RAB38: variants seen among roughly 807,000 people sequenced by gnomAD.
RAB38 encodes the protein RAB38, member RAS oncogene family, also known as ras-related protein Rab-38.
Under a neutral mutation model 18.4 loss-of-function variants are expected in RAB38, and 15 were observed. The ratio of observed to expected loss-of-function variants is 0.82; its 90% CI spans 0.55 to 1.26. The LOEUF is 1.26. Among genes scored for constraint, RAB38 ranks in the 50% most tolerant of loss-of-function variants. RAB38 has a pLI of 0.00. For missense variants in RAB38, 294 were observed against 267.4 expected, an observed-to-expected ratio of 1.10 and a Z score of -0.69; for synonymous variants, 101 against 104.4, an observed-to-expected ratio of 0.97 and a Z score of 0.20.
the RAB38 span, among the ~76,000 whole-genome samples, chr11:88,075,115 C>A: frequency 6.6e-6 from 1 of 152,190 alleles, no homozygotes; most frequent in African/African-American, 2.4e-5. Context: ...GACTTCAACA[C>A]CATTCTCAGC....
chr11:88,126,516 C>G (rs1440244256), intron 2 of RAB38, among the ~76,000 whole-genome samples: 1 of 151,846 alleles, frequency 6.6e-6, no homozygotes, highest in African/African-American at 2.4e-5. Context: ...ACACTTGGAC[C>G]CAGGAAGGGG....
the RAB38 span, among the ~76,000 whole-genome samples, chr11:88,104,974 T>C: frequency 5.9e-5 from 9 of 152,076 alleles, no homozygotes; most frequent in African/African-American, 1.7e-4. Flanking sequence ...TTTCACAAAA[T>C]TTTTATTTTC....
the RAB38 span, among the ~76,000 whole-genome samples, chr11:87,972,454 C>T: frequency 6.0e-3 from 909 of 152,102 alleles, 11 homozygotes; most frequent in African/African-American, 0.021. Flanking sequence ...GTATTTGGTA[C>T]GATAGAGACT....
downstream of RAB38, among the ~76,000 whole-genome samples, chr11:88,110,876 C>T (rs185729923): frequency 3.3e-5 from 5 of 151,488 alleles, no homozygotes; most frequent in Admixed American, 6.6e-5. Flanking sequence ...TCTGGTGGCT[C>T]GCACCTGTAA....
chr11:87,964,120 T>C, the RAB38 span, among the ~76,000 whole-genome samples: 1 of 152,168 alleles, frequency 6.6e-6, no homozygotes, highest in Non-Finnish European at 1.5e-5. Flanking sequence ...TATTGCTGCA[T>C]ATCAAACCTC....
chr11:88,149,834 C>G lies in RAB38; in HGVS notation c.324G>C (p.Leu108Phe), dbSNP rs151063326. 5.6e-6 allele frequency: 9 copies of G among 1,613,848 alleles called. No homozygotes were observed. Among genetic ancestry groups the G allele is most frequent in the Non-Finnish European group, 6.8e-6 (8 of 1,179,996 alleles). The stretch of plus-strand genomic sequence containing the variant: ...CATTAGGGAGACTTAACTTGGAGTC[C>G]AAATCATTTTTCCACTTTGCCACTG... ...FEAVAKWKND[L>F]DSKLSLPNGK... Residue 108 changes from leucine (L) to phenylalanine (F), a missense_variant, in exon 2 of 3, where the codon TTG becomes TTC. Transcript: ENST00000243662.
At chr11:87,893,391 T>TATATATATATATATATA in the RAB38 span, among the ~76,000 whole-genome samples, 53 of 6,678 alleles carry the variant, frequency 7.9e-3, 1 homozygote, top group Admixed American at 0.035. Flanking sequence ...TATATATATA[T>TATATATATATATATATA]TTTTTTTTTA....
chr11:87,926,984 G>A, the RAB38 span, among the ~76,000 whole-genome samples: 5 of 152,030 alleles, frequency 3.3e-5, 1 homozygote, highest in Admixed American at 1.3e-4. Context: ...AGGAGACAAG[G>A]AACATGATGA....
the RAB38 span, among the ~76,000 whole-genome samples, chr11:87,905,313 T>C: frequency 6.6e-6 from 1 of 151,740 alleles, no homozygotes; most frequent in Admixed American, 6.6e-5. Context: ...AATAGCTATT[T>C]TGTGTCCTGG....
At chr11:88,120,270 T>C (rs192438166) in intron 2 of RAB38, among the ~76,000 whole-genome samples, 1 of 152,358 alleles carries the variant, frequency 6.6e-6, no homozygotes, top group Admixed American at 6.5e-5. Flanking sequence ...CTAAATGATG[T>C]GTGCAAGGTC....
chr11:88,090,901 T>G, the RAB38 span, among the ~76,000 whole-genome samples: 4 of 151,958 alleles, frequency 2.6e-5, no homozygotes, highest in Non-Finnish European at 5.9e-5. Context: ...CTCTGGCATC[T>G]CAGAGTCAAC....
At chr11:87,886,461 G>T in the RAB38 span, among the ~76,000 whole-genome samples, 1 of 151,836 alleles carries the variant, frequency 6.6e-6, no homozygotes, top group African/African-American at 2.4e-5. Context: ...TTTCTTGGAA[G>T]AATTTACACC....
At chr11:88,158,347 C>T (rs1943149800) in intron 1 of RAB38, among the ~76,000 whole-genome samples, 1 of 151,988 alleles carries the variant, frequency 6.6e-6, no homozygotes, top group Admixed American at 6.6e-5. Context: ...TTCTACCAGA[C>T]ATACAAAAAA....
At chr11:87,904,452 A>G in the RAB38 span, among the ~76,000 whole-genome samples, 1 of 151,690 alleles carries the variant, frequency 6.6e-6, no homozygotes, top group African/African-American at 2.4e-5. Context: ...ATAGTATTCT[A>G]TTGTGTATTT....
the RAB38 span, among the ~76,000 whole-genome samples, chr11:87,896,853 A>G: frequency 9.2e-4 from 140 of 151,768 alleles, no homozygotes; most frequent in African/African-American, 3.2e-3. Context: ...CCCAGCACAT[A>G]TTAGGCACTC....
At chr11:88,024,395 G>C in the RAB38 span, among the ~76,000 whole-genome samples, 1 of 152,074 alleles carries the variant, frequency 6.6e-6, no homozygotes, top group Non-Finnish European at 1.5e-5. Context: ...GCAAATGCTG[G>C]GGAAGATATG....
the RAB38 span, among the ~76,000 whole-genome samples, chr11:87,911,076 A>G: frequency 1.3e-5 from 2 of 152,076 alleles, no homozygotes; most frequent in African/African-American, 4.8e-5. Context: ...TCTAAAGTCA[A>G]CTGACCATAT....
At chr11:87,904,469 C>T in the RAB38 span, among the ~76,000 whole-genome samples, 6 of 151,668 alleles carry the variant, frequency 4.0e-5, no homozygotes, top group African/African-American at 1.5e-4. Context: ...ATTTTTACCG[C>T]GTTTTCCTTA....
the RAB38 span, among the ~76,000 whole-genome samples, chr11:88,028,523 G>C: frequency 6.6e-6 from 1 of 152,146 alleles, no homozygotes; most frequent in Non-Finnish European, 1.5e-5. Flanking sequence ...CCAATACAGA[G>C]AAGTGCTTAA....
Sources: allele counts gnomAD v4.1 joint callset (sites outside exome capture counted in the v4.1 genomes callset), GRCh38; gene constraint gnomAD v4.1.1; transcripts MANE v1.5; gene names NCBI Gene and HGNC (gene_info 2026-07-23, HGNC 2026-07-21).